The following SCN10A variants were observed in gnomAD, a reference collection of about 807,000 sequenced individuals.
SCN10A encodes sodium channel protein type 10 subunit alpha.
Under a neutral mutation model 170.7 loss-of-function variants are expected in SCN10A, and 162 were observed. The observed-to-expected ratio is 0.95, with a 90% CI of 0.84 to 1.08. The LOEUF (loss-of-function observed/expected upper bound fraction) is 1.08, where lower values mean the gene tolerates loss of function less well. Ranked by LOEUF, SCN10A falls within the 50% of genes least tolerant of loss-of-function variation. The pLI, the probability that SCN10A is intolerant of heterozygous loss-of-function variation, is 0.00. For synonymous variants in SCN10A, 985 were observed against 904.6 expected, an observed-to-expected ratio of 1.09 and a Z score of -1.59; for missense variants, 2,527 against 2,436.9, an observed-to-expected ratio of 1.04 and a Z score of -0.78.
intron 1 of SCN10A, among the ~76,000 whole-genome samples, chr3:38,808,212 G>C (rs2126066204): frequency 6.6e-6 from 1 of 150,634 alleles, no homozygotes; most frequent in East Asian, 1.9e-4. Context: ...AAACCCACCA[G>C]CTTGCTTTCT....
At chr3:38,761,507 C>T (rs2063871921) in intron 6 of SCN10A, 124 bp from the exon 7 acceptor site, 1 of 726,382 alleles carries the variant, frequency 1.4e-6, no homozygotes, top group African/African-American at 1.8e-5. Flanking sequence ...CACTCCAGGG[C>T]AGTTCCAAGA....
rs1225273841 is a variant in SCN10A at position 38,742,367 on chromosome 3, A to G, written c.2030T>C (p.Val677Ala). 3 of 1,614,156 alleles carry G rather than the reference A, an allele frequency of 1.9e-6. No individual in the cohort carries two copies. In the East Asian group the frequency reaches 6.7e-5, roughly 36 times the overall value. Residue 677 changes from valine to alanine, a missense_variant, in exon 14 of 28, where the codon GTG becomes GCG. By Grantham distance (64) the Val-to-Ala change is moderately conservative. Transcript: ENST00000449082. ...AELTITLCIV[V>A]NTIFMAMEHH... Reference sequence around the variant, plus strand: ...CTCCATGGCCATGAAGATGGTGTTCACCACGATGCACAAGGTGATGGTGAG... The same window carrying G: ...CTCCATGGCCATGAAGATGGTGTTCGCCACGATGCACAAGGTGATGGTGAG...
chr3:38,757,180 G>T (rs1340152847), intron 8 of SCN10A, 21 bp from the exon 9 acceptor site: 3 of 1,571,844 alleles, frequency 1.9e-6, no homozygotes, highest in Non-Finnish European at 2.6e-6. Context: ...AACAGAGAAG[G>T]TCATCCCCTG....
In SCN10A at chr3:38,798,055, T is replaced by A. The variant is rs111874988; in HGVS notation, c.-32-4013A>T. ...ATTGAAGTGGTTCTCTATATTCCCATCTATTACCCAGTGTCTTTACATGAC... is the reference window on the plus strand; with the variant it reads ...ATTGAAGTGGTTCTCTATATTCCCAACTATTACCCAGTGTCTTTACATGAC... On this transcript the variant is annotated intron_variant, in intron 1 of 27. Coordinates refer to ENST00000449082, the MANE Select transcript of SCN10A (RefSeq NM_006514.4). 4.9e-3 allele frequency among the ~76,000 whole-genome samples: 747 copies of A among 152,310 alleles called. 9 individuals carry two copies. Among genetic ancestry groups the A allele is most frequent in the African/African-American group, 0.017 (709 of 41,574 alleles).
chr3:38,744,646 A>T (rs2063668677), intron 13 of SCN10A, among the ~76,000 whole-genome samples: 1 of 151,876 alleles, frequency 6.6e-6, no homozygotes, highest in Non-Finnish European at 1.5e-5. Context: ...TTTCTTTTGT[A>T]GTTTCACTTT....
At position 38,739,532 on chromosome 3, in the gene SCN10A, GCA is replaced by G; in HGVS notation, c.2261_2262del (p.Val754AlafsTer61). 2 of 1,613,942 alleles carry G rather than the reference GCA, an allele frequency of 1.2e-6. No individual in the cohort carries two copies. ...AACATTACCAAGCGGAAGCTCCGCA[GCA>G]CAGACAGGCTTCCCTTCTTGGCCAC... is the stretch of plus-strand genomic sequence containing the variant. Reference protein sequence around the residue: ...LGVAKKGSLSVLRSFRLLRVF... With the variant: ...LGVAKKGSLSXLRSFRLLRVF... On this transcript the variant is annotated frameshift_variant, in exon 15 of 28. Coordinates refer to ENST00000449082, the MANE Select transcript of SCN10A (RefSeq NM_006514.4). LOFTEE classifies it high-confidence loss of function.
chr3:38,772,691 AAAC>A lies in SCN10A; in HGVS notation c.471-1287_471-1285del, dbSNP rs527981727. 6.2e-3 allele frequency among the ~76,000 whole-genome samples: 909 copies of A among 147,414 alleles called. 11 individuals carry two copies. Among genetic ancestry groups the A allele is most frequent in the African/African-American group, 0.022 (850 of 38,594 alleles). On this transcript the variant is annotated intron_variant, in intron 4 of 27. Coordinates refer to ENST00000449082, the MANE Select transcript of SCN10A (RefSeq NM_006514.4). ...GTGACAGAGCAAGACTTCGTCTCCA[AAAC>A]AACAACAACAACAGCAACAACAACA...
chr3:38,794,057 C>A lies in SCN10A; in HGVS notation c.-32-15G>T. ...GTATTTATACTCTTATAAGAGTGGACATAACCACAGAGAGGTGACAGCTTG... is the reference window on the plus strand; with the variant it reads ...GTATTTATACTCTTATAAGAGTGGAAATAACCACAGAGAGGTGACAGCTTG... On this transcript the variant is annotated splice_polypyrimidine_tract_variant and intron_variant, in intron 1 of 27. Transcript: ENST00000449082. 1 of 1,566,476 alleles carries A rather than the reference C, an allele frequency of 6.4e-7. No individual in the cohort carries two copies. The highest frequency in any genetic ancestry group is 8.8e-7 in the Non-Finnish European group (1 of 1,140,940).
intron 13 of SCN10A, among the ~76,000 whole-genome samples, chr3:38,746,724 T>A (rs552586846): frequency 2.0e-5 from 3 of 152,144 alleles, no homozygotes; most frequent in African/African-American, 7.2e-5. Flanking sequence ...TGCTTTGCAG[T>A]CCTTTCAGCC....
At chr3:38,797,455 T>A (rs966444131) in intron 1 of SCN10A, among the ~76,000 whole-genome samples, 2 of 152,200 alleles carry the variant, frequency 1.3e-5, no homozygotes, top group African/African-American at 4.8e-5. Context: ...GTTGATCTGT[T>A]TCTTACGGAA....
intron 14 of SCN10A, among the ~76,000 whole-genome samples, chr3:38,739,960 TCATTATTATAATATCA>T (rs1241351622): frequency 1.3e-5 from 2 of 152,198 alleles, no homozygotes; most frequent in African/African-American, 4.8e-5. Context: ...GTCTTTAAGA[TCATTATTATAATATCA>T]TTTTGTCAGT....
In SCN10A at chr3:38,710,843, C is replaced by G; in HGVS notation, c.4143+1G>C. 2 of 1,613,398 alleles carry G rather than the reference C, an allele frequency of 1.2e-6. No homozygotes were observed. Among genetic ancestry groups the G allele is most frequent in the Non-Finnish European group, 1.7e-6 (2 of 1,179,642 alleles). ...TGTAGGGACAGTGGGCTGAGACTCA[C>G]CTCCCGGGAATCAACAGCTGCATAC... On this transcript the variant is annotated splice_donor_variant, in intron 24 of 27. Coordinates refer to ENST00000449082, the MANE Select transcript of SCN10A (RefSeq NM_006514.4). LOFTEE classifies it high-confidence loss of function.
rs1271371949 is a variant in SCN10A, at chr3:38,746,069, A to ATG, written c.1868-3541_1868-3540insCA. 6.6e-3 allele frequency among the ~76,000 whole-genome samples: 564 copies of ATG among 85,398 alleles called. 20 individuals carry two copies. The highest frequency in any genetic ancestry group is 0.023 in the African/African-American group (533 of 23,004). 56.0% of individuals were successfully genotyped at this position (85,398 alleles called of 152,430 possible). ...TATATATGTGTGTGTATGTGTATATATATATATATATATATATATATATAT... is the reference window on the plus strand; with the variant it reads ...TATATATGTGTGTGTATGTGTATATATGTATATATATATATATATATATATAT... On this transcript the variant is annotated intron_variant, in intron 13 of 27. Transcript: ENST00000449082.
intron 6 of SCN10A, 136 bp from the exon 7 acceptor site, chr3:38,761,519 C>T (rs961579549): frequency 1.2e-5 from 7 of 577,362 alleles, no homozygotes; most frequent in Admixed American, 3.7e-5. Context: ...GTTCCAAGAC[C>T]TTTCTCATCC....
chr3:38,714,170 C>G, intron 21 of SCN10A, 90 bp from the exon 22 acceptor site: 3 of 1,491,636 alleles, frequency 2.0e-6, no homozygotes, highest in Non-Finnish European at 2.8e-6. Flanking sequence ...CCCAGCCTCC[C>G]ATTCCTACAC....
chr3:38,757,851 T>C (rs77084265), intron 8 of SCN10A, among the ~76,000 whole-genome samples: 1,765 of 152,098 alleles, frequency 0.012, 46 homozygotes, highest in African/African-American at 0.04. Context: ...GCCTGGTGAG[T>C]ATTGAGGTGG....
rs1432009058 is a variant in SCN10A, at chr3:38,793,965, A to G, written c.46T>C (p.Phe16Leu). The G allele has an allele frequency of 9.3e-6, 15 of 1,613,870 alleles. No homozygotes were observed. The highest frequency in any genetic ancestry group is 1.2e-5 in the Non-Finnish European group (14 of 1,179,904). ...GSLETNNFRR[F>L]TPESLVEIEK... ...ATCTCCACCAGTGACTCCGGAGTAA[A>G]GCGACGGAAGTTGTTAGTTTCGAGG... is the stretch of plus-strand genomic sequence containing the variant. Residue 16 changes from phenylalanine to leucine, a missense_variant, in exon 2 of 28, where the codon TTT becomes CTT. Physicochemically the swap from Phe to Leu is conservative, Grantham distance 22 (BLOSUM62 0). Coordinates refer to ENST00000449082, the MANE Select transcript of SCN10A (RefSeq NM_006514.4).
chr3:38,744,292 T>C (rs907593272), intron 13 of SCN10A, among the ~76,000 whole-genome samples: 1 of 152,152 alleles, frequency 6.6e-6, no homozygotes, highest in Non-Finnish European at 1.5e-5. Context: ...ATAGTTGTCA[T>C]TGCATACACA....
intron 1 of SCN10A, among the ~76,000 whole-genome samples, chr3:38,799,958 T>C (rs1053252478): frequency 1.8e-4 from 28 of 152,302 alleles, no homozygotes; most frequent in African/African-American, 6.7e-4. Flanking sequence ...CTGGGATCCC[T>C]GGTCCATCAT....
Sources: gnomAD v4.1 joint callset for allele counts (sites outside exome capture counted in the v4.1 genomes callset) on GRCh38, gnomAD v4.1.1 for gene constraint, MANE v1.5 for transcripts, NCBI Gene and HGNC (gene_info 2026-07-23, HGNC 2026-07-21) for gene names.